ATP2A3: variants seen among roughly 807,000 people sequenced by gnomAD.
ATP2A3 encodes the protein ATPase sarcoplasmic/endoplasmic reticulum Ca2+ transporting 3.
A neutral mutation model predicts 106.8 loss-of-function variants in ATP2A3; 61 were observed. The observed-to-expected ratio is 0.57, with a 90% CI of 0.46 to 0.71. ATP2A3 has a LOEUF of 0.71. Among genes scored for constraint, ATP2A3 ranks in the 30% least tolerant of loss-of-function variants. ATP2A3 has a pLI of 0.00. For synonymous variants in ATP2A3, 611 were observed against 609.3 expected, an observed-to-expected ratio of 1.00 and a Z score of -0.04; for missense variants, 1,201 against 1,423.5, an observed-to-expected ratio of 0.84 and a Z score of 2.52.
rs181612564 is a variant in ATP2A3, at chr17:3,944,852, G to C, written c.1185-46C>G. 6.9e-3 allele frequency: 10,746 copies of C among 1,553,328 alleles called. 466 individuals carry two copies. The African/African-American group carries it at 0.11, about 15-fold the overall frequency. ...CCAGGAGGACCTCGGCTCCGCCCCC[G>C]AGAGGGGTCCGCCTCTTGGCCCCGC... On this transcript the variant is annotated intron_variant, in intron 9 of 20. Coordinates refer to ENST00000397041, the MANE Select transcript of ATP2A3 (RefSeq NM_005173.4).
chr17:3,925,373 C>T lies in ATP2A3; in HGVS notation c.*49G>A. The T allele has an allele frequency of 1.2e-6, 2 of 1,613,768 alleles. No individual in the cohort carries two copies. Among genetic ancestry groups the T allele is most frequent in the Non-Finnish European group, 1.7e-6 (2 of 1,179,902 alleles). On this transcript the variant is annotated 3_prime_UTR_variant, in exon 21 of 21. Transcript: ENST00000397041. The surrounding 1 kb of genome is among the most constrained non-coding windows in gnomAD (Gnocchi z 4.2). ...TGGGGGGCGGAGGCGAACACATGGG[C>T]ACCATCAGTCTGAGGTACACACCGG...
At chr17:3,945,845 T>C (rs1312951040) in intron 8 of ATP2A3, among the ~76,000 whole-genome samples, 2 of 152,030 alleles carry the variant, frequency 1.3e-5, no homozygotes, top group African/African-American at 4.8e-5. Context: ...TGCATAAGTG[T>C]CCCTTCCTTC....
Position 3,936,720 on chromosome 17 carries a change from G to GTACA in ATP2A3, c.2322-255_2322-252dup, listed in dbSNP as rs1473554429. ...GCTCTTTAGGCCTAGCAGAGGCCAAGTACACACACACACACACACACACAC... is the reference window on the plus strand; with the variant it reads ...GCTCTTTAGGCCTAGCAGAGGCCAAGTACATACACACACACACACACACACACAC... On this transcript the variant is annotated intron_variant, in intron 15 of 20. Transcript: ENST00000397041. This position sits in a 1 kb window ranked among gnomAD's most constrained non-coding sequence, Gnocchi z 5.4. 3 of 450,264 alleles carry GTACA rather than the reference G, an allele frequency of 6.7e-6. No individual in the cohort carries two copies. The highest frequency in any genetic ancestry group is 2.6e-5 in the African/African-American group (1 of 38,296). The allele number at this position is 450,264 out of a possible 1,614,324, so 27.9% of individuals were successfully genotyped here.
At chr17:3,935,608 G>C (rs1197063827) in intron 16 of ATP2A3, among the ~76,000 whole-genome samples, 1 of 149,356 alleles carries the variant, frequency 6.7e-6, no homozygotes, top group African/African-American at 2.5e-5. Flanking sequence ...TGCCATCTCG[G>C]CTCACAGCAA....
At position 3,958,849 on chromosome 17, in the gene ATP2A3, AATAT is replaced by A. The variant is rs775662160; in HGVS notation, c.119-5143_119-5140del. Among the ~76,000 whole-genome samples the A allele has an allele frequency of 4.4e-4, 37 of 84,204 alleles. 1 individual carries two copies. Among genetic ancestry groups the A allele is most frequent in the South Asian group, 1.6e-3 (5 of 3,118 alleles). 55.2% of individuals were successfully genotyped at this position (84,204 alleles called of 152,430 possible). ...ATATATATACACACACACATATATA[AATAT>A]ATATATATATATATATACACACACA... On this transcript the variant is annotated intron_variant, in intron 1 of 20. Coordinates refer to ENST00000397041, the MANE Select transcript of ATP2A3 (RefSeq NM_005173.4).
In ATP2A3 at chr17:3,964,275, A is replaced by T. The variant is rs1032556310; in HGVS notation, c.17T>A (p.Leu6Gln). Residue 6 changes from leucine (L) to glutamine (Q), a missense_variant, in exon 1 of 21, where the codon CTG becomes CAG. Leu to Gln is a moderately radical substitution (Grantham distance 113). This residue lies in a region of ATP2A3 where 266 missense variants were observed against 246.8 expected (regional missense o/e 1.08). Transcript: ENST00000397041. ...GCGCAGCACGTCGGCGGCCGGGAGC[A>T]GATGCGCCGCCTCCATGCCGCCCGC... is the stretch of plus-strand genomic sequence containing the variant. MEAAH[L>Q]LPAADVLRHF... The T allele has an allele frequency of 7.8e-7, 1 of 1,278,922 alleles. No homozygotes were observed. Among genetic ancestry groups the T allele is most frequent in the Non-Finnish European group, 1.0e-6 (1 of 999,750 alleles). 79.2% of individuals were successfully genotyped at this position (1,278,922 alleles called of 1,614,324 possible). A position where few individuals can be genotyped will look rare whatever the true frequency, so the allele number is the denominator to read the frequency against.
intron 14 of ATP2A3, 100 bp from the exon 15 acceptor site, chr17:3,937,736 A>G (rs2053532228): frequency 1.7e-6 from 2 of 1,209,424 alleles, no homozygotes; most frequent in East Asian, 5.0e-5. Flanking sequence ...GGATGTTCCA[A>G]AGGAAGCAGA....
In ATP2A3 at chr17:3,928,175, G is replaced by C; in HGVS notation, c.2980+488C>G. 1 of 1,605,800 alleles carries C rather than the reference G, an allele frequency of 6.2e-7. No individual in the cohort carries two copies. Among genetic ancestry groups the C allele is most frequent in the Non-Finnish European group, 8.5e-7 (1 of 1,172,786 alleles). On this transcript the variant is annotated intron_variant, in intron 20 of 20. Transcript: ENST00000397041. The surrounding 1 kb of genome is among the most constrained non-coding windows in gnomAD (Gnocchi z 6.1). ...CCACTCCGGGGTTAAGGCAGACCCA[G>C]AGCTGTGAGCTCAGAAACAACCCTC...
Position 3,936,630 on chromosome 17 carries a change from A to G in ATP2A3, c.2322-161T>C. 1.3e-6 allele frequency: 1 copy of G among 775,418 alleles called. No individual in the cohort carries two copies. Among genetic ancestry groups the G allele is most frequent in the Non-Finnish European group, 2.2e-6 (1 of 457,900 alleles). The allele number at this position is 775,418 out of a possible 1,614,324, so 48.0% of individuals were successfully genotyped here. A position where few individuals can be genotyped will look rare whatever the true frequency, so the allele number is the denominator to read the frequency against. ...TGTGATGTGAAGGGTGTGTGTACACAGCTCTGCCTCGGGCCTGGCCAGTCC... is the reference window on the plus strand; with the variant it reads ...TGTGATGTGAAGGGTGTGTGTACACGGCTCTGCCTCGGGCCTGGCCAGTCC... On this transcript the variant is annotated intron_variant, in intron 15 of 20. Coordinates refer to ENST00000397041, the MANE Select transcript of ATP2A3 (RefSeq NM_005173.4). The surrounding 1 kb of genome is among the most constrained non-coding windows in gnomAD (Gnocchi z 5.4).
At chr17:3,927,835 G>A (rs1409186036) in intron 20 of ATP2A3, 2 of 1,536,892 alleles carry the variant, frequency 1.3e-6, no homozygotes, top group Non-Finnish European at 1.7e-6. Context: ...ACTCCCCTGG[G>A]GCACATTCCT....
chr17:3,927,233 T>C (rs1597557104), intron 20 of ATP2A3: 1 of 985,460 alleles, frequency 1.0e-6, no homozygotes, highest in Non-Finnish European at 1.2e-6. Flanking sequence ...TCCTCCACCA[T>C]CCAGCAGCCA....
At position 3,947,339 on chromosome 17, in the gene ATP2A3, G is replaced by A. The variant is rs2054168391; in HGVS notation, c.1095+52C>T. On this transcript the variant is annotated intron_variant, in intron 8 of 20. Transcript: ENST00000397041. The surrounding 1 kb of genome is among the most constrained non-coding windows in gnomAD (Gnocchi z 7.7). ...GAGGTGGGGGAGAGACCCAGAGAGG[G>A]AGCCCAGCCTGCTCTGCAACGCACA... The A allele has an allele frequency of 6.2e-7, 1 of 1,604,948 alleles. No individual in the cohort carries two copies. Among genetic ancestry groups the A allele is most frequent in the African/African-American group, 1.3e-5 (1 of 74,830 alleles).
chr17:3,959,965 G>A (rs1450442511), intron 1 of ATP2A3, among the ~76,000 whole-genome samples: 2 of 152,248 alleles, frequency 1.3e-5, no homozygotes, highest in Admixed American at 1.3e-4. Context: ...CAGCTGGGCA[G>A]GCCTGATGCT....
intron 7 of ATP2A3, 132 bp downstream of exon 7, chr17:3,950,379 G>A: frequency 1.2e-6 from 1 of 856,426 alleles, no homozygotes; most frequent in Admixed American, 2.0e-5. Context: ...GGCCAGGCTG[G>A]TCTCGAACTC....
intron 14 of ATP2A3, among the ~76,000 whole-genome samples, chr17:3,939,514 C>T (rs774017058): frequency 4.6e-5 from 7 of 152,112 alleles, no homozygotes; most frequent in East Asian, 1.9e-4. Context: ...ATAGGCCGGG[C>T]GCGGTGGCTC....
chr17:3,927,548 C>T, intron 20 of ATP2A3: 1 of 985,456 alleles, frequency 1.0e-6, no homozygotes, highest in Non-Finnish European at 1.2e-6. Context: ...CCGGCCAGTG[C>T]AGGGATGCCT....
intron 12 of ATP2A3, among the ~76,000 whole-genome samples, chr17:3,941,875 T>G (rs2053802762): frequency 6.6e-6 from 1 of 151,798 alleles, no homozygotes; most frequent in Non-Finnish European, 1.5e-5. Context: ...TGTGCTGGGG[T>G]GGGGGCAGCC....
At chr17:3,946,282 T>A (rs1317206422) in intron 8 of ATP2A3, among the ~76,000 whole-genome samples, 1 of 149,096 alleles carries the variant, frequency 6.7e-6, no homozygotes, top group Admixed American at 6.7e-5. Flanking sequence ...CCGGGCACGG[T>A]GGCTCAGGGC....
At chr17:3,960,156 G>C (rs1357649951) in intron 1 of ATP2A3, among the ~76,000 whole-genome samples, 3 of 152,220 alleles carry the variant, frequency 2.0e-5, no homozygotes, top group Non-Finnish European at 4.4e-5. Context: ...GGTCCAGGGA[G>C]GGCCAAGTCT....
Sources: allele counts gnomAD v4.1 joint callset (sites outside exome capture counted in the v4.1 genomes callset), GRCh38; gene constraint gnomAD v4.1.1; regional missense constraint gnomAD v4.1.1; non-coding constraint Gnocchi (gnomAD v3.1); transcripts MANE v1.5; gene names NCBI Gene and HGNC (gene_info 2026-07-23, HGNC 2026-07-21).